The following ADCY4 variants were observed in gnomAD, a reference collection of about 807,000 sequenced individuals.
ADCY4 encodes the protein adenylate cyclase type 4.
In ADCY4, 111 loss-of-function variants were observed where a neutral mutation model predicts 125.5. The ratio of observed to expected loss-of-function variants is 0.88; its 90% CI spans 0.76 to 1.04. The LOEUF (loss-of-function observed/expected upper bound fraction) is 1.04, where lower values mean the gene tolerates loss of function less well. Ranked by LOEUF, ADCY4 falls within the 50% of genes least tolerant of loss-of-function variation. ADCY4 has a pLI of 0.00. For missense variants in ADCY4, 1,256 were observed against 1,382.9 expected (o/e 0.91, Z 1.46); for synonymous variants, 576 against 586.9 (o/e 0.98, Z 0.27).
At chr14:24,331,644 T>C in intron 4 of ADCY4, 144 bp downstream of exon 4, 1 of 1,243,942 alleles carries the variant, frequency 8.0e-7, no homozygotes, top group Non-Finnish European at 1.1e-6. Flanking sequence ...CCTTCTAAGA[T>C]GGGCAATACC....
chr14:24,322,565 T>G, intron 19 of ADCY4, 59 bp downstream of exon 19: 1 of 1,557,368 alleles, frequency 6.4e-7, no homozygotes, highest in East Asian at 2.2e-5. Flanking sequence ...AAAGATCAAG[T>G]CACAGATATG....
Position 24,324,216 on chromosome 14 carries a change from G to A in ADCY4, c.1909-17C>T, listed in dbSNP as rs775951301. The A allele has an allele frequency of 5.6e-6, 9 of 1,614,136 alleles. No individual in the cohort carries two copies. In the South Asian group the frequency reaches 7.7e-5, roughly 14 times the overall value. ...GACACACCTCTGTGGAGGGAGCATG[G>A]GCATCTTAGCCACGGGGCTGGGGCA... is the stretch of plus-strand genomic sequence containing the variant. On this transcript the variant is annotated splice_polypyrimidine_tract_variant and intron_variant, in intron 15 of 24. Transcript: ENST00000418030.
At position 24,319,046 on chromosome 14, in the gene ADCY4, G is replaced by A. The variant is rs1197160306; in HGVS notation, c.2956+52C>T. 19 of 1,596,432 alleles carry A rather than the reference G, an allele frequency of 1.2e-5. No individual in the cohort carries two copies. Among genetic ancestry groups the A allele is most frequent in the Non-Finnish European group, 1.6e-5 (19 of 1,165,172 alleles). ...TAACAAAGGACTTGGAGTGGGGCAA[G>A]CTCAGGAAGGTGAGGAGGTACCAGA... On this transcript the variant is annotated intron_variant, in intron 23 of 24. Coordinates refer to ENST00000418030, the MANE Select transcript of ADCY4 (RefSeq NM_001198568.2). This position sits in a 1 kb window ranked among gnomAD's most constrained non-coding sequence, Gnocchi z 4.5.
At chr14:24,320,824 A>C (rs1353926832) in intron 20 of ADCY4, among the ~76,000 whole-genome samples, 1 of 152,186 alleles carries the variant, frequency 6.6e-6, no homozygotes, top group Non-Finnish European at 1.5e-5. Flanking sequence ...GGTGCAACTG[A>C]GGAACTGAAT....
At position 24,323,401 on chromosome 14, in the gene ADCY4, G is replaced by A. The variant is rs768284918; in HGVS notation, c.2100C>T (p.Ser700=). The change falls in exon 17 of 25, where the codon TCC becomes TCT. Residue 700 remains serine, a synonymous_variant. Transcript: ENST00000418030. ...DCPFQAPNVS[S]MISNLSWELP... ...GCTCCCAGGAGAGGTTGGAAATCAT[G>A]GAGGACACATTGGGAGCTTGGAAAG... 1.1e-5 allele frequency: 17 copies of A among 1,557,672 alleles called. No individual in the cohort carries two copies. In the East Asian group the frequency reaches 3.6e-4, roughly 33 times the overall value.
In ADCY4 at chr14:24,319,207, A is replaced by G. The variant is rs2041815808; in HGVS notation, c.2847T>C (p.Ala949=). Residue 949 remains alanine, a synonymous_variant, in exon 23 of 25, where the codon GCT becomes GCC. Coordinates refer to ENST00000418030, the MANE Select transcript of ADCY4 (RefSeq NM_001198568.2). This position sits in a 1 kb window ranked among gnomAD's most constrained non-coding sequence, Gnocchi z 4.5. ...ATSGQDAQQD[A]ERSCSHLGTM... is the part of the protein sequence containing the mutation. ...TGCCAAGGTGGCTGCAGCTCCGTTC[A>G]GCATCCTGGCAATGGGCCCGCCCAC... 3 of 1,614,168 alleles carry G rather than the reference A, an allele frequency of 1.9e-6. No individual in the cohort carries two copies. The highest frequency in any genetic ancestry group is 1.7e-6 in the Non-Finnish European group (2 of 1,180,018).
chr14:24,331,415 C>A, intron 4 of ADCY4, 59 bp from the exon 5 acceptor site: 1 of 1,599,806 alleles, frequency 6.3e-7, no homozygotes, highest in Non-Finnish European at 8.5e-7. Context: ...GAGGCCCTGT[C>A]CCCCAAATCA....
intron 18 of ADCY4, 29 bp from the exon 19 acceptor site, chr14:24,322,737 C>A: frequency 6.2e-7 from 1 of 1,608,698 alleles, no homozygotes; most frequent in Non-Finnish European, 8.5e-7. Context: ...AGGGTGACCC[C>A]TTGCTTTCCC....
intron 19 of ADCY4, 113 bp downstream of exon 19, chr14:24,322,511 G>T (rs1006435436): frequency 2.2e-5 from 25 of 1,148,284 alleles, no homozygotes; most frequent in East Asian, 1.3e-4. Context: ...AAGCAGGAAG[G>T]CTCGCTTAGA....
chr14:24,324,755 G>A (rs1243709417), intron 14 of ADCY4, among the ~76,000 whole-genome samples: 4 of 151,780 alleles, frequency 2.6e-5, no homozygotes, highest in Non-Finnish European at 4.4e-5. Context: ...CCTGGCTGGA[G>A]TGCAGTGGTG....
chr14:24,334,667 C>A lies in ADCY4; in HGVS notation c.-15G>T, dbSNP rs2042105754. The A allele has an allele frequency of 3.3e-6, 5 of 1,530,714 alleles. No individual in the cohort carries two copies. Among genetic ancestry groups the A allele is most frequent in the Non-Finnish European group, 4.4e-6 (5 of 1,141,304 alleles). The allele number at this position is 1,530,714 out of a possible 1,614,324, so 94.8% of individuals were successfully genotyped here. On this transcript the variant is annotated 5_prime_UTR_variant, in exon 1 of 25. Coordinates refer to ENST00000418030, the MANE Select transcript of ADCY4 (RefSeq NM_001198568.2). The stretch of plus-strand genomic sequence containing the variant: ...AGGCGGGCCATGATCTCCCCAGCCC[C>A]GAGCCCCGGGGCTGGCTAGGGCCGG...
rs2041861429 is a variant in ADCY4 at position 24,322,117 on chromosome 14, C to G, written c.2535G>C (p.Val845=). 6.2e-7 allele frequency: 1 copy of G among 1,614,088 alleles called. No homozygotes were observed. The highest frequency in any genetic ancestry group is 1.1e-5 in the South Asian group (1 of 91,080). The change falls in exon 20 of 25, where the codon GTG becomes GTC. Residue 845 remains valine (V), a synonymous_variant. Transcript: ENST00000418030. ...ENLTRLLLEN[V]LPAHVAPQFI... is the part of the protein sequence containing the mutation. The stretch of plus-strand genomic sequence containing the variant: ...ACTGGGGGGCCACGTGTGCAGGGAG[C>G]ACGTTCTCCAAGAGCAGCCGAGTCA...
At chr14:24,324,556 T>G (rs17184682) in intron 14 of ADCY4, among the ~76,000 whole-genome samples, 165 bp from the exon 15 acceptor site, 29,735 of 152,048 alleles carry the variant, frequency 0.2, 3,875 homozygotes, top group East Asian at 0.69. Flanking sequence ...TCTGATGATC[T>G]GGGTTGGCTG....
Position 24,332,938 on chromosome 14 carries a change from G to T in ADCY4, c.210C>A (p.Gly70=), listed in dbSNP as rs373646083. The T allele has an allele frequency of 1.9e-6, 3 of 1,593,622 alleles. No homozygotes were observed. The highest frequency in any genetic ancestry group is 1.7e-4 in the Middle Eastern group (1 of 5,942). Reference sequence around the variant, plus strand: ...CGAGGCCCAGCAGCAGCGAGAAGCCGCCCAGCGCGCACAGCACAGTGGTCA... The same window carrying T: ...CGAGGCCCAGCAGCAGCGAGAAGCCTCCCAGCGCGCACAGCACAGTGGTCA... ...SFLTTVLCAL[G]GFSLLLGLAS... The change falls in exon 2 of 25, where the codon GGC becomes GGA. Residue 70 remains glycine, a synonymous_variant. Transcript: ENST00000418030.
At position 24,324,367 on chromosome 14, in the gene ADCY4, A is replaced by G. The variant is rs1312538459; in HGVS notation, c.1848T>C (p.Tyr616=). 31 of 1,614,064 alleles carry G rather than the reference A, an allele frequency of 1.9e-5. No individual in the cohort carries two copies. The highest frequency in any genetic ancestry group is 2.5e-5 in the Non-Finnish European group (29 of 1,180,016). The part of the protein sequence containing the change: ...TNRPPALAIT[Y]SITFLLFLLI... ...GGAGGAAGAGGAGGAAGGTGATGCT[A>G]TACGTGATGGCCAGAGCTGGGGGCC... is the stretch of plus-strand genomic sequence containing the variant. The change falls in exon 15 of 25, where the codon TAT becomes TAC. Residue 616 remains tyrosine, a synonymous_variant. Coordinates refer to ENST00000418030, the MANE Select transcript of ADCY4 (RefSeq NM_001198568.2).
At chr14:24,326,014 C>T in intron 12 of ADCY4, 65 bp downstream of exon 12, 2 of 1,499,936 alleles carry the variant, frequency 1.3e-6, no homozygotes, top group Non-Finnish European at 1.8e-6. Context: ...TCAGGGAGCA[C>T]CATCCCTTCT....
Position 24,318,431 on chromosome 14 carries a change from T to C in ADCY4, c.3219A>G (p.Ser1073=), listed in dbSNP as rs2041800806. The change falls in exon 25 of 25, where the codon TCA becomes TCG. Residue 1073 remains serine, a synonymous_variant. Coordinates refer to ENST00000418030, the MANE Select transcript of ADCY4 (RefSeq NM_001198568.2). ...GAGTGCAATCTCAGCCTAGGGTAGC[T>C]GAAGGAGGTCCAGTTCGTGTCAAGT... The part of the protein sequence containing the change: ...NTDLTRTGPP[S]ATLG 2 of 1,613,972 alleles carry C rather than the reference T, an allele frequency of 1.2e-6. No individual in the cohort carries two copies. The highest frequency in any genetic ancestry group is 1.3e-5 in the African/African-American group (1 of 74,916).
chr14:24,319,039 G>A lies in ADCY4; in HGVS notation c.2956+59C>T. On this transcript the variant is annotated intron_variant, in intron 23 of 24. Coordinates refer to ENST00000418030, the MANE Select transcript of ADCY4 (RefSeq NM_001198568.2). The surrounding 1 kb of genome is among the most constrained non-coding windows in gnomAD (Gnocchi z 4.5). Reference sequence around the variant, plus strand: ...GAGCAGCTAACAAAGGACTTGGAGTGGGGCAAGCTCAGGAAGGTGAGGAGG... The same window carrying A: ...GAGCAGCTAACAAAGGACTTGGAGTAGGGCAAGCTCAGGAAGGTGAGGAGG... 6.3e-7 allele frequency: 1 copy of A among 1,584,162 alleles called. No individual in the cohort carries two copies.
intron 16 of ADCY4, 89 bp downstream of exon 16, chr14:24,323,973 C>T: frequency 6.6e-7 from 1 of 1,521,240 alleles, no homozygotes; most frequent in Non-Finnish European, 8.8e-7. Context: ...CTTAGTCCAG[C>T]TGCCTGCCCA....
Sources: gnomAD v4.1 joint callset for allele counts (sites outside exome capture counted in the v4.1 genomes callset) on GRCh38, gnomAD v4.1.1 for gene constraint, Gnocchi (gnomAD v3.1) non-coding constraint, MANE v1.5 for transcripts, NCBI Gene and HGNC (gene_info 2026-07-23, HGNC 2026-07-21) for gene names.